Variants in KCNH8 observed in about 807,000 individuals in gnomAD.
KCNH8 encodes the protein voltage-gated delayed rectifier potassium channel KCNH8.
KCNH8 carries 70 observed loss-of-function variants against 103.6 expected under a neutral mutation model. That is an observed-to-expected ratio of 0.68 (90% CI 0.56 to 0.82). The LOEUF (loss-of-function observed/expected upper bound fraction) is 0.82, where lower values mean the gene tolerates loss of function less well. KCNH8 is among the 40% of genes least tolerant of loss of function. The pLI is 0.00. For missense variants in KCNH8, 1,217 were observed against 1,329.9 expected (o/e 0.92, Z 1.32); for synonymous variants, 498 against 489.4 (o/e 1.02, Z -0.23).
chr3:19,492,431 A>G (rs1475846186), intron 11 of KCNH8, among the ~76,000 whole-genome samples: 2 of 152,206 alleles, frequency 1.3e-5, no homozygotes, highest in Non-Finnish European at 1.5e-5. Context: ...TTGAACAGGA[A>G]GTCCTTTCCC....
At chr3:19,445,848 A>G (rs1190779491) in intron 8 of KCNH8, among the ~76,000 whole-genome samples, 2 of 152,024 alleles carry the variant, frequency 1.3e-5, no homozygotes, top group African/African-American at 4.8e-5. Flanking sequence ...TTGCAGTTCC[A>G]TAAATATTTA....
chr3:19,479,271 T>C (rs1397112825), intron 11 of KCNH8, among the ~76,000 whole-genome samples: 5 of 152,218 alleles, frequency 3.3e-5, no homozygotes, highest in Non-Finnish European at 5.9e-5. Context: ...CTTGTACTTC[T>C]GTATCAGAAG....
chr3:19,256,550 T>C (rs1280899719), intron 2 of KCNH8, among the ~76,000 whole-genome samples: 1 of 152,106 alleles, frequency 6.6e-6, no homozygotes, highest in African/African-American at 2.4e-5. Context: ...GTCTGAAATA[T>C]CCGCTGACTG....
intron 3 of KCNH8, among the ~76,000 whole-genome samples, chr3:19,327,096 G>T (rs2065434466): frequency 6.6e-6 from 1 of 152,070 alleles, no homozygotes; most frequent in South Asian, 2.1e-4. Flanking sequence ...ATAATGGTTG[G>T]ATCTCAAGAG....
rs565343384 is a variant in KCNH8, at chr3:19,440,461, T to C, written c.1375+2100T>C. The stretch of plus-strand genomic sequence containing the variant: ...GCCTCACAATAGTGGTGGAAGACAA[T>C]GGAAGAGCACAAGCACATTTCACAT... On this transcript the variant is annotated intron_variant, in intron 8 of 15. Coordinates refer to ENST00000328405, the MANE Select transcript of KCNH8 (RefSeq NM_144633.3). Among the ~76,000 whole-genome samples the C allele has an allele frequency of 7.2e-5, 11 of 152,236 alleles. No individual in the cohort carries two copies. In the South Asian group the frequency reaches 1.2e-3, roughly 17 times the overall value.
Position 19,371,437 on chromosome 3 carries a change from G to A in KCNH8, c.812-19044G>A, listed in dbSNP as rs551318675. Among the ~76,000 whole-genome samples the A allele has an allele frequency of 1.5e-3, 231 of 149,428 alleles. 1 individual carries two copies. Among genetic ancestry groups the A allele is most frequent in the South Asian group, 0.014 (67 of 4,686 alleles). ...TGAGAAGTGTCTGTTCATGTCCTTCGCCCACTTTTTGATGGGGTTGTTTGT... is the reference window on the plus strand; with the variant it reads ...TGAGAAGTGTCTGTTCATGTCCTTCACCCACTTTTTGATGGGGTTGTTTGT... On this transcript the variant is annotated intron_variant, in intron 5 of 15. Transcript: ENST00000328405.
Position 19,349,452 on chromosome 3 carries a change from T to G in KCNH8, c.811+1487T>G, listed in dbSNP as rs151198983. Among the ~76,000 whole-genome samples, 256 of 152,204 alleles carry G rather than the reference T, an allele frequency of 1.7e-3. 1 individual carries two copies. The highest frequency in any genetic ancestry group is 5.8e-3 in the African/African-American group (241 of 41,548). ...CAAGAACTTGGGCAGTCACTCAACA[T>G]GGCTAAGCCTTCGTTTTTTGTAGTA... On this transcript the variant is annotated intron_variant, in intron 5 of 15. Transcript: ENST00000328405.
At chr3:19,203,837 C>T (rs2125219611) in intron 1 of KCNH8, among the ~76,000 whole-genome samples, 1 of 152,044 alleles carries the variant, frequency 6.6e-6, no homozygotes, top group African/African-American at 2.4e-5. Flanking sequence ...AAATCTAAAA[C>T]ATCTTTGATA....
chr3:19,203,389 A>C (rs749532072), intron 1 of KCNH8, among the ~76,000 whole-genome samples: 10 of 152,088 alleles, frequency 6.6e-5, no homozygotes, highest in Non-Finnish European at 1.0e-4. Flanking sequence ...AAAGCAAAAA[A>C]TCTATAAGAA....
Position 19,472,191 on chromosome 3 carries a change from CATTCGTGTGT to C in KCNH8, c.2040+15210_2040+15219del, listed in dbSNP as rs1439542103. On this transcript the variant is annotated intron_variant, in intron 11 of 15. Coordinates refer to ENST00000328405, the MANE Select transcript of KCNH8 (RefSeq NM_144633.3). ...AAAGCTTATTGGAATTTAATCACTT[CATTCGTGTGT>C]GTGTGTGTGTGTGTGTGTGTGTGTG... 4.0e-5 allele frequency among the ~76,000 whole-genome samples: 5 copies of C among 124,178 alleles called. No homozygotes were observed. The Admixed American group carries it at 4.6e-4, about 12-fold the overall frequency. The allele number at this position is 124,178 out of a possible 152,430, so 81.5% of individuals were successfully genotyped here.
intron 7 of KCNH8, among the ~76,000 whole-genome samples, chr3:19,404,599 T>C (rs2066663748): frequency 1.3e-5 from 2 of 151,914 alleles, no homozygotes; most frequent in Non-Finnish European, 2.9e-5. Flanking sequence ...TGGACTTCTA[T>C]ATTTAAATGA....
intron 11 of KCNH8, among the ~76,000 whole-genome samples, chr3:19,470,161 G>A (rs752351105): frequency 2.0e-5 from 3 of 152,166 alleles, no homozygotes; most frequent in Non-Finnish European, 2.9e-5. Context: ...AATTCAGAAT[G>A]AGGACATTGA....
At chr3:19,483,262 G>A (rs529304556) in intron 11 of KCNH8, among the ~76,000 whole-genome samples, 9 of 152,102 alleles carry the variant, frequency 5.9e-5, no homozygotes, top group Non-Finnish European at 8.8e-5. Context: ...CTCCAGGTAG[G>A]TCCACACGGT....
In KCNH8 at chr3:19,451,245, A is replaced by C; in HGVS notation, c.1666A>C (p.Ser556Arg). The C allele has an allele frequency of 6.2e-7, 1 of 1,613,956 alleles. No homozygotes were observed. Among genetic ancestry groups the C allele is most frequent in the Non-Finnish European group, 8.5e-7 (1 of 1,179,888 alleles). Residue 556 changes from serine (S) to arginine (R), a missense_variant, in exon 10 of 16, where the codon AGC becomes CGC. Transcript: ENST00000328405. Reference sequence around the variant, plus strand: ...ACAGTTGTCCCTTTTTGAATGTGCCAGCCGGGGCTGCCTCAGGTCTCTGTC... The same window carrying C: ...ACAGTTGTCCCTTTTTGAATGTGCCCGCCGGGGCTGCCTCAGGTCTCTGTC... ...ILQLSLFECA[S>R]RGCLRSLSLH...
chr3:19,279,877 C>T (rs763582193), intron 2 of KCNH8, among the ~76,000 whole-genome samples: 1 of 152,064 alleles, frequency 6.6e-6, no homozygotes, highest in South Asian at 2.1e-4. Flanking sequence ...TGCAAGACAA[C>T]TCAAAATATC....
In KCNH8 at chr3:19,398,505, T is replaced by G. The variant is rs2066558983; in HGVS notation, c.1177+3194T>G. ...TAGAAAGGCAATGAGGCCAAAGAGG[T>G]AGGTAGGTAGATACCAGATCTTTAA... is the stretch of plus-strand genomic sequence containing the variant. On this transcript the variant is annotated intron_variant, in intron 7 of 15. Transcript: ENST00000328405. Among the ~76,000 whole-genome samples, 3 of 151,932 alleles carry G rather than the reference T, an allele frequency of 2.0e-5. No individual in the cohort carries two copies. The Middle Eastern group carries it at 0.01, about 517-fold the overall frequency.
intron 3 of KCNH8, among the ~76,000 whole-genome samples, chr3:19,294,466 T>G (rs1002870335): frequency 6.6e-6 from 1 of 152,206 alleles, no homozygotes; most frequent in East Asian, 1.9e-4. Context: ...GAGAGAATTA[T>G]TATAAAAATT....
Position 19,533,663 on chromosome 3 carries a change from C to G in KCNH8, c.2888C>G (p.Pro963Arg). 3 of 1,613,718 alleles carry G rather than the reference C, an allele frequency of 1.9e-6. No homozygotes were observed. The highest frequency in any genetic ancestry group is 2.5e-6 in the Non-Finnish European group (3 of 1,179,878). The change falls in exon 16 of 16, where the codon CCC (proline) becomes CGC (arginine). Residue 963 changes from proline to arginine, a missense_variant. Physicochemically the swap from Pro to Arg is moderately radical, Grantham distance 103. Around this residue, in one of 3 missense-constraint regions of KCNH8, gnomAD observed 558 missense variants for 495.8 expected, o/e 1.13. Transcript: ENST00000328405. ...NITSDIWSVD[P>R]SSVGSSPQRT... ...ACCTCAGACATTTGGAGTGTGGATC[C>G]CTCCTCTGTGGGGAGCAGCCCCCAA...
intron 15 of KCNH8, among the ~76,000 whole-genome samples, chr3:19,531,357 T>C (rs988900980): frequency 1.3e-5 from 2 of 152,232 alleles, no homozygotes; most frequent in Non-Finnish European, 2.9e-5. Flanking sequence ...TCATGTGCTT[T>C]AGAATTGAAG....
Sources: gnomAD v4.1 joint callset for allele counts (sites outside exome capture counted in the v4.1 genomes callset) on GRCh38, gnomAD v4.1.1 for gene constraint, gnomAD v4.1.1 regional missense constraint, MANE v1.5 for transcripts, NCBI Gene and HGNC (gene_info 2026-07-23, HGNC 2026-07-21) for gene names.